LIPE: variants seen among roughly 807,000 people sequenced by gnomAD.
LIPE encodes hormone-sensitive lipase.
Under a neutral mutation model 88.5 loss-of-function variants are expected in LIPE, and 66 were observed. That is an observed-to-expected ratio of 0.75 (90% confidence interval 0.61 to 0.91). The LOEUF is 0.91. LIPE is among the 40% of genes least tolerant of loss of function. LIPE has a pLI of 0.00. For missense variants in LIPE, 1,346 were observed against 1,434.7 expected (o/e 0.94, Z 1.00); for synonymous variants, 570 against 617.5 (o/e 0.92, Z 1.14).
intron 1 of LIPE, among the ~76,000 whole-genome samples, chr19:42,415,557 TC>T (rs1245969529): frequency 2.0e-5 from 3 of 152,232 alleles, no homozygotes; most frequent in Non-Finnish European, 4.4e-5. Context: ...ATGCCTGTAA[TC>T]CCAGCACTTT....
In LIPE at chr19:42,402,564, C is replaced by T; in HGVS notation, c.2967+43G>A. On this transcript the variant is annotated intron_variant, in intron 9 of 9. Coordinates refer to ENST00000244289, the MANE Select transcript of LIPE (RefSeq NM_005357.4). Reference sequence around the variant, plus strand: ...GTCCCCCTCCTCCCCGGGTGCCCTGCTCTTCTCTAAATGCACCTGTACCGG... The same window carrying T: ...GTCCCCCTCCTCCCCGGGTGCCCTGTTCTTCTCTAAATGCACCTGTACCGG... 7 of 1,424,904 alleles carry T rather than the reference C, an allele frequency of 4.9e-6. No individual in the cohort carries two copies. In the Middle Eastern group the frequency reaches 5.7e-4, roughly 115 times the overall value. 88.3% of individuals were successfully genotyped at this position (1,424,904 alleles called of 1,614,324 possible). A position where few individuals can be genotyped will look rare whatever the true frequency, so the allele number is the denominator to read the frequency against.
Position 42,427,211 on chromosome 19 carries a change from G to C in LIPE, c.-62C>G. On this transcript the variant is annotated 5_prime_UTR_variant, in exon 1 of 10. Transcript: ENST00000244289. ...TTCTATCCTTCTGGGCTCCCACCCA[G>C]CCCTCTCTCTTCACAGATCTCTCAT... The C allele has an allele frequency of 6.6e-7, 1 of 1,508,580 alleles. No individual in the cohort carries two copies. The highest frequency in any genetic ancestry group is 8.8e-7 in the Non-Finnish European group (1 of 1,134,204). 93.4% of individuals were successfully genotyped at this position (1,508,580 alleles called of 1,614,324 possible).
intron 9 of LIPE, 96 bp from the exon 10 acceptor site, chr19:42,402,171 G>A: frequency 8.2e-7 from 1 of 1,222,124 alleles, no homozygotes; most frequent in Non-Finnish European, 1.1e-6. Flanking sequence ...AAAGGGAGCG[G>A]GAAATACGGA....
rs948999461 is a variant in LIPE, at chr19:42,414,537, C to T, written c.884-3695G>A. On this transcript the variant is annotated intron_variant, in intron 1 of 9. Coordinates refer to ENST00000244289, the MANE Select transcript of LIPE (RefSeq NM_005357.4). This position sits in a 1 kb window ranked among gnomAD's most constrained non-coding sequence, Gnocchi z 4.6. ...TGGTGTATTGGGTGATTTTTCTCTG[C>T]GGCACTTGTCACCATCTAGCATACT... is the stretch of plus-strand genomic sequence containing the variant. Among the ~76,000 whole-genome samples, 7 of 152,218 alleles carry T rather than the reference C, an allele frequency of 4.6e-5. No individual in the cohort carries two copies. The highest frequency in any genetic ancestry group is 8.8e-5 in the Non-Finnish European group (6 of 68,044).
intron 1 of LIPE, among the ~76,000 whole-genome samples, chr19:42,412,869 G>A (rs2040412404): frequency 6.6e-6 from 1 of 152,220 alleles, no homozygotes; most frequent in Non-Finnish European, 1.5e-5. Context: ...GGAGAGAGGA[G>A]GTAGCCAGCC....
chr19:42,408,612 G>A lies in LIPE; in HGVS notation c.1420-290C>T, dbSNP rs1341132500. Among the ~76,000 whole-genome samples the A allele has an allele frequency of 6.6e-6, 1 of 151,840 alleles. No individual in the cohort carries two copies. Among genetic ancestry groups the A allele is most frequent in the Non-Finnish European group, 1.5e-5 (1 of 67,874 alleles). On this transcript the variant is annotated intron_variant, in intron 2 of 9. Coordinates refer to ENST00000244289, the MANE Select transcript of LIPE (RefSeq NM_005357.4). This position sits in a 1 kb window ranked among gnomAD's most constrained non-coding sequence, Gnocchi z 4.3. The stretch of plus-strand genomic sequence containing the variant: ...GGAGAGGGCACCAGTGATGACTAGG[G>A]GTCAGGCTACTTAGCGGGTCTCGGA...
chr19:42,404,644 G>A (rs779989310), intron 8 of LIPE, among the ~76,000 whole-genome samples: 5 of 152,214 alleles, frequency 3.3e-5, no homozygotes, highest in African/African-American at 9.7e-5. Flanking sequence ...GATTATGGGC[G>A]TAAGCCACCA....
intron 1 of LIPE, among the ~76,000 whole-genome samples, chr19:42,426,053 C>T (rs927865026): frequency 1.4e-4 from 21 of 149,834 alleles, no homozygotes; most frequent in African/African-American, 2.0e-4. Context: ...CCATCTGCCT[C>T]GGCCTCCCAA....
intron 1 of LIPE, chr19:42,424,572 C>T (rs1199679831): frequency 4.4e-6 from 2 of 456,354 alleles, no homozygotes; most frequent in East Asian, 1.4e-4. Context: ...AAAGCATACC[C>T]AGCAGCCCCG....
At chr19:42,412,667 G>C (rs2040407886) in intron 1 of LIPE, 2 of 636,632 alleles carry the variant, frequency 3.1e-6, no homozygotes, top group South Asian at 1.4e-4. Context: ...TCAGACCCAG[G>C]AGTCCAGGCC....
At chr19:42,422,830 G>C (rs1285640299) in intron 1 of LIPE, among the ~76,000 whole-genome samples, 2 of 152,176 alleles carry the variant, frequency 1.3e-5, no homozygotes, top group South Asian at 2.1e-4. Flanking sequence ...TAGGGGTCAG[G>C]GCTAGGCCCC....
chr19:42,407,451 G>C lies in LIPE; in HGVS notation c.1860C>G (p.Ser620Arg). The C allele has an allele frequency of 6.2e-7, 1 of 1,612,726 alleles. No individual in the cohort carries two copies. Among genetic ancestry groups the C allele is most frequent in the Non-Finnish European group, 8.5e-7 (1 of 1,179,104 alleles). Residue 620 changes from serine (S) to arginine (R), a missense_variant, in exon 6 of 10, where the codon AGC (serine) becomes AGG (arginine). Transcript: ENST00000244289. This position sits in a 1 kb window ranked among gnomAD's most constrained non-coding sequence, Gnocchi z 5.8. Reference protein sequence around the residue: ...LREGQDSEELSSLIKSNGQRS... With the variant: ...LREGQDSEELRSLIKSNGQRS... ...GTTGGCCGTTGGACTTTATCAGGCT[G>C]CTGAGCTCCTCACTGTCCTGGGGGT... is the stretch of plus-strand genomic sequence containing the variant.
At position 42,427,284 on chromosome 19, in the gene LIPE, A is replaced by G. The variant is rs2040725673; in HGVS notation, c.-135T>C. ...CTCTTGGGTTTCACTCCATCCTAGC[A>G]TCACTGGTCTTCCTTTTTAAGGCAG... On this transcript the variant is annotated 5_prime_UTR_variant, in exon 1 of 10. The change abolishes an upstream ATG in the 5' untranslated region. Transcript: ENST00000244289. 7.1e-7 allele frequency: 1 copy of G among 1,416,470 alleles called. No homozygotes were observed. The highest frequency in any genetic ancestry group is 9.2e-7 in the Non-Finnish European group (1 of 1,089,422). The allele number at this position is 1,416,470 out of a possible 1,614,324, so 87.7% of individuals were successfully genotyped here. A position where few individuals can be genotyped will look rare whatever the true frequency, so the allele number is the denominator to read the frequency against.
chr19:42,426,656 G>A lies in LIPE; in HGVS notation c.494C>T (p.Ala165Val). ...STPAAQAKPG[A>V]KREPSAPTES... Reference sequence around the variant, plus strand: ...AGTCGGGGCAGATGGCTCCCTTTTGGCTCCAGGTTTAGCCTGGGCCGCAGG... The same window carrying A: ...AGTCGGGGCAGATGGCTCCCTTTTGACTCCAGGTTTAGCCTGGGCCGCAGG... The change falls in exon 1 of 10, where the codon GCC (alanine) becomes GTC (valine). Residue 165 changes from alanine (A) to valine (V), a missense_variant. By Grantham distance (64) the Ala-to-Val change is moderately conservative. Transcript: ENST00000244289. 3.1e-6 allele frequency: 5 copies of A among 1,614,188 alleles called. No homozygotes were observed. Among genetic ancestry groups the A allele is most frequent in the Non-Finnish European group, 4.2e-6 (5 of 1,180,042 alleles).
rs1568604802 is a variant in LIPE, at chr19:42,410,648, GC to G, written c.1077del (p.His360ThrfsTer17). 6.2e-7 allele frequency: 1 copy of G among 1,612,820 alleles called. No homozygotes were observed. The highest frequency in any genetic ancestry group is 1.7e-5 in the Admixed American group (1 of 59,968). On this transcript the variant is annotated frameshift_variant, in exon 2 of 10. Transcript: ENST00000244289. LOFTEE classifies it high-confidence loss of function. The surrounding 1 kb of genome is among the most constrained non-coding windows in gnomAD (Gnocchi z 6.1). ...EPALGRLLGV[A>X]HLFDLDPETP... ...GTCTCTGGGTCCAGGTCAAAGAGGT[GC>G]GCCACACCCAGCAGGCGGCCCAGGG...
At chr19:42,405,587 G>A in intron 7 of LIPE, 26 bp from the exon 8 acceptor site, 1 of 1,594,448 alleles carries the variant, frequency 6.3e-7, no homozygotes. Flanking sequence ...GGGTAGCTGA[G>A]TTGTTTTCCC....
At chr19:42,425,387 A>G (rs940843679) in intron 1 of LIPE, among the ~76,000 whole-genome samples, 2 of 151,622 alleles carry the variant, frequency 1.3e-5, no homozygotes, top group African/African-American at 4.8e-5. Flanking sequence ...CAAATCCTCT[A>G]TAGGGAGGCA....
chr19:42,411,764 C>T (rs913888527), intron 1 of LIPE, among the ~76,000 whole-genome samples: 5 of 152,188 alleles, frequency 3.3e-5, no homozygotes, highest in Non-Finnish European at 7.3e-5. Context: ...GTTGCATGGC[C>T]GGCCCTGCTC....
At position 42,401,994 on chromosome 19, in the gene LIPE, G is replaced by A; in HGVS notation, c.3049C>T (p.Arg1017Cys). The A allele has an allele frequency of 6.4e-7, 1 of 1,554,438 alleles. No homozygotes were observed. Among genetic ancestry groups the A allele is most frequent in the Non-Finnish European group, 8.7e-7 (1 of 1,151,890 alleles). Residue 1017 changes from arginine (R) to cysteine (C), a missense_variant, in exon 10 of 10, where the codon CGC (arginine) becomes TGC (cysteine). Arg to Cys is a radical substitution (Grantham distance 180, BLOSUM62 -3). Coordinates refer to ENST00000244289, the MANE Select transcript of LIPE (RefSeq NM_005357.4). ...LRNLGQPVTL[R>C]VVEDLPHGFL... Reference sequence around the variant, plus strand: ...CCGTGCGGCAGGTCCTCCACCACGCGCAGCGTCACCGGCTGGCCCAGGTTG... The same window carrying A: ...CCGTGCGGCAGGTCCTCCACCACGCACAGCGTCACCGGCTGGCCCAGGTTG...
Sources: gnomAD v4.1 joint callset for allele counts (sites outside exome capture counted in the v4.1 genomes callset) on GRCh38, gnomAD v4.1.1 for gene constraint, Gnocchi (gnomAD v3.1) non-coding constraint, MANE v1.5 for transcripts, NCBI Gene and HGNC (gene_info 2026-07-23, HGNC 2026-07-21) for gene names.